CUL5: variants seen among roughly 807,000 people sequenced by gnomAD.
CUL5 encodes the protein cullin 5, also known as cullin-5.
CUL5 carries 26 observed loss-of-function variants against 108.8 expected under a neutral mutation model. The ratio of observed to expected loss-of-function variants is 0.24; its 90% confidence interval spans 0.18 to 0.33. The LOEUF (loss-of-function observed/expected upper bound fraction) is 0.33, where lower values mean the gene tolerates loss of function less well. Ranked by LOEUF, CUL5 falls within the 10% of genes least tolerant of loss-of-function variation. The probability of loss-of-function intolerance (pLI) is 1.00; values close to 1 mark genes in which losing one functional copy is unlikely to be tolerated. For missense variants in CUL5, 524 were observed against 909.2 expected, an observed-to-expected ratio of 0.58 and a Z score of 5.45; for synonymous variants, 334 against 298.0, an observed-to-expected ratio of 1.12 and a Z score of -1.25.
At chr11:108,097,824 A>G (rs1405603112) in intron 17 of CUL5, 70 bp downstream of exon 17, 3 of 820,092 alleles carry the variant, frequency 3.7e-6, no homozygotes. Flanking sequence ...TTTGCAAAAT[A>G]ATTGTTTTCC....
intron 1 of CUL5, among the ~76,000 whole-genome samples, chr11:108,028,295 A>G (rs1044292307): frequency 8.5e-5 from 13 of 152,170 alleles, no homozygotes; most frequent in African/African-American, 3.1e-4. Flanking sequence ...CACTTACTGG[A>G]CAAAAGCCTT....
At chr11:108,071,582 C>T (rs151279207) in intron 8 of CUL5, among the ~76,000 whole-genome samples, 1 of 152,184 alleles carries the variant, frequency 6.6e-6, no homozygotes, top group African/African-American at 2.4e-5. Context: ...CCGTCTTGCC[C>T]TGTCACCCAG....
At chr11:108,023,494 G>T (rs1862377557) in intron 1 of CUL5, among the ~76,000 whole-genome samples, 1 of 151,972 alleles carries the variant, frequency 6.6e-6, no homozygotes, top group Non-Finnish European at 1.5e-5. Flanking sequence ...TATAGATTGA[G>T]TCTTAAGAAT....
chr11:108,101,768 T>C (rs1003687839), intron 18 of CUL5, among the ~76,000 whole-genome samples: 1 of 152,194 alleles, frequency 6.6e-6, no homozygotes, highest in Non-Finnish European at 1.5e-5. Flanking sequence ...CTTTTCCTCT[T>C]AGGTTCTCTA....
chr11:108,059,350 G>A (rs1321801864), intron 7 of CUL5, among the ~76,000 whole-genome samples: 2 of 152,122 alleles, frequency 1.3e-5, no homozygotes, highest in African/African-American at 4.8e-5. Context: ...TCCTCAGGAT[G>A]ACACTAGAAT....
At chr11:108,016,777 C>T (rs1484294967) in intron 1 of CUL5, among the ~76,000 whole-genome samples, 1 of 151,494 alleles carries the variant, frequency 6.6e-6, no homozygotes, top group Non-Finnish European at 1.5e-5. Context: ...CCTGGGCAAC[C>T]CCATTTGTAC....
Position 108,046,262 on chromosome 11 carries a change from A to T in CUL5, c.135-8A>T, listed in dbSNP as rs1168645162. On this transcript the variant is annotated splice_polypyrimidine_tract_variant and splice_region_variant and intron_variant, in intron 2 of 18. Coordinates refer to ENST00000393094, the MANE Select transcript of CUL5 (RefSeq NM_003478.6). ...ATTAATGTTTGTTTACCTACTTTAT[A>T]TTCACAGGGATGTGCATGCAGTCTG... The T allele has an allele frequency of 4.4e-6, 7 of 1,578,444 alleles. No homozygotes were observed. The African/African-American group carries it at 9.5e-5, about 21-fold the overall frequency.
chr11:108,052,940 A>T, intron 5 of CUL5, 139 bp downstream of exon 5: 1 of 599,310 alleles, frequency 1.7e-6, no homozygotes, highest in East Asian at 3.0e-5. Flanking sequence ...TTTTGAGAGT[A>T]AGCAAATGAT....
Position 108,073,196 on chromosome 11 carries a change from C to T in CUL5, c.1006-194C>T, listed in dbSNP as rs368523747. Among the ~76,000 whole-genome samples, 59 of 146,230 alleles carry T rather than the reference C, an allele frequency of 4.0e-4. No homozygotes were observed. In the East Asian group the frequency reaches 8.7e-3, roughly 21 times the overall value. On this transcript the variant is annotated intron_variant, in intron 9 of 18. Coordinates refer to ENST00000393094, the MANE Select transcript of CUL5 (RefSeq NM_003478.6). Reference sequence around the variant, plus strand: ...CAGCCTGGGCGACAGATCGAGACTCCGTCTCAAAAAAAAAAAAAGGAAGAA... The same window carrying T: ...CAGCCTGGGCGACAGATCGAGACTCTGTCTCAAAAAAAAAAAAAGGAAGAA...
chr11:108,107,214 C>T lies in CUL5; in HGVS notation c.*2830C>T, dbSNP rs2135264393. The T allele has an allele frequency of 6.6e-6, 1 of 151,854 alleles. No individual in the cohort carries two copies. Among genetic ancestry groups the T allele is most frequent in the African/African-American group, 2.4e-5 (1 of 41,450 alleles). The allele number at this position is 151,854 out of a possible 1,614,324, so 9.4% of individuals were successfully genotyped here. A position where few individuals can be genotyped will look rare whatever the true frequency, so the allele number is the denominator to read the frequency against. Reference sequence around the variant, plus strand: ...ATTTTGTGCATAAATGTTAAACCTTCCAAAAATGAAATGTTAGCTTTCTTT... The same window carrying T: ...ATTTTGTGCATAAATGTTAAACCTTTCAAAAATGAAATGTTAGCTTTCTTT... On this transcript the variant is annotated 3_prime_UTR_variant, in exon 19 of 19. Coordinates refer to ENST00000393094, the MANE Select transcript of CUL5 (RefSeq NM_003478.6).
At chr11:108,095,317 A>G (rs1039743816) in intron 15 of CUL5, among the ~76,000 whole-genome samples, 1 of 152,222 alleles carries the variant, frequency 6.6e-6, no homozygotes, top group Non-Finnish European at 1.5e-5. Flanking sequence ...TGCATCCGCC[A>G]GTACTCAGTC....
chr11:108,056,525 T>C (rs1451765283), intron 7 of CUL5, among the ~76,000 whole-genome samples: 1 of 152,210 alleles, frequency 6.6e-6, no homozygotes, highest in Non-Finnish European at 1.5e-5. Context: ...GTTTTGATAT[T>C]GGCAAAAGGA....
rs1177405603 is a variant in CUL5, at chr11:108,105,186, C to T, written c.*802C>T. On this transcript the variant is annotated 3_prime_UTR_variant, in exon 19 of 19. Transcript: ENST00000393094. Reference sequence around the variant, plus strand: ...TAGGTAGGTCATTATGATTGCAGAGCCAAAATAGCAAAACAAACATATTAA... The same window carrying T: ...TAGGTAGGTCATTATGATTGCAGAGTCAAAATAGCAAAACAAACATATTAA... 1 of 151,364 alleles carries T rather than the reference C, an allele frequency of 6.6e-6. No individual in the cohort carries two copies. Among genetic ancestry groups the T allele is most frequent in the Admixed American group, 6.6e-5 (1 of 15,154 alleles). 9.4% of individuals were successfully genotyped at this position (151,364 alleles called of 1,614,324 possible).
intron 7 of CUL5, among the ~76,000 whole-genome samples, chr11:108,063,195 C>A (rs113370626): frequency 2.0e-5 from 3 of 152,202 alleles, no homozygotes; most frequent in African/African-American, 7.2e-5. Flanking sequence ...TCTCCCCCAC[C>A]ACCTCACTAC....
intron 18 of CUL5, 89 bp from the exon 19 acceptor site, chr11:108,104,101 T>G (rs574489691): frequency 1.3e-6 from 1 of 744,530 alleles, no homozygotes; most frequent in Non-Finnish European, 2.2e-6. Context: ...GGATAGAGGA[T>G]GAATATGCAT....
At position 108,107,351 on chromosome 11, in the gene CUL5, C is replaced by T. The variant is rs1475033207; in HGVS notation, c.*2967C>T. ...ACTGCTCAAAGGGCAAATTTTAAAA[C>T]TTCAGTCTGGGTGAAAGATTTGCTA... On this transcript the variant is annotated 3_prime_UTR_variant, in exon 19 of 19. Coordinates refer to ENST00000393094, the MANE Select transcript of CUL5 (RefSeq NM_003478.6). 1 of 152,558 alleles carries T rather than the reference C, an allele frequency of 6.6e-6. No individual in the cohort carries two copies. Among genetic ancestry groups the T allele is most frequent in the African/African-American group, 2.4e-5 (1 of 41,426 alleles). The allele number at this position is 152,558 out of a possible 1,614,324, so 9.5% of individuals were successfully genotyped here.
chr11:108,048,078 A>T (rs1325691562), intron 3 of CUL5, among the ~76,000 whole-genome samples: 1 of 152,306 alleles, frequency 6.6e-6, no homozygotes, highest in African/African-American at 2.4e-5. Flanking sequence ...CATGGGTCTT[A>T]AAAAGACCCA....
chr11:108,030,978 G>T (rs1862566734), intron 1 of CUL5, among the ~76,000 whole-genome samples: 1 of 152,142 alleles, frequency 6.6e-6, no homozygotes, highest in African/African-American at 2.4e-5. Flanking sequence ...AACTGTTTCA[G>T]TGTTATAATT....
rs1456573089 is a variant in CUL5, at chr11:108,107,204, G to A, written c.*2820G>A. The A allele has an allele frequency of 2.0e-5, 3 of 151,794 alleles. No homozygotes were observed. Among genetic ancestry groups the A allele is most frequent in the East Asian group, 3.9e-4 (2 of 5,180 alleles). 9.4% of individuals were successfully genotyped at this position (151,794 alleles called of 1,614,324 possible). On this transcript the variant is annotated 3_prime_UTR_variant, in exon 19 of 19. Coordinates refer to ENST00000393094, the MANE Select transcript of CUL5 (RefSeq NM_003478.6). ...TCTTGCTCTTATTTTGTGCATAAAT[G>A]TTAAACCTTCCAAAAATGAAATGTT... is the stretch of plus-strand genomic sequence containing the variant.
Sources: allele counts gnomAD v4.1 joint callset (sites outside exome capture counted in the v4.1 genomes callset), GRCh38; gene constraint gnomAD v4.1.1; transcripts MANE v1.5; gene names NCBI Gene and HGNC (gene_info 2026-07-23, HGNC 2026-07-21).